RANBP3: variants seen among roughly 807,000 people sequenced by gnomAD.
RANBP3 encodes the protein ran-binding protein 3.
Under a neutral mutation model 77.3 loss-of-function variants are expected in RANBP3, and 14 were observed. The observed-to-expected ratio is 0.18, with a 90% confidence interval of 0.12 to 0.28. The LOEUF (loss-of-function observed/expected upper bound fraction) is 0.28. RANBP3 is among the 10% of genes least tolerant of loss of function. The pLI is 1.00. For synonymous variants in RANBP3, 315 were observed against 312.4 expected (o/e 1.01, Z -0.09); for missense variants, 586 against 752.3 (o/e 0.78, Z 2.59).
intron 8 of RANBP3, among the ~76,000 whole-genome samples, chr19:5,929,843 C>T (rs1374878918): frequency 6.6e-6 from 1 of 152,354 alleles, no homozygotes; most frequent in East Asian, 1.9e-4. Flanking sequence ...TGGGTGTGGC[C>T]GCATGGCTCC....
At chr19:5,933,058 C>CT (rs1202452688) in intron 6 of RANBP3, 9 of 289,132 alleles carry the variant, frequency 3.1e-5, no homozygotes, top group Middle Eastern at 1.0e-3. Flanking sequence ...CGCTGGAATG[C>CT]AGCCACCCTG....
At chr19:5,949,021 C>T (rs1568467406) in intron 3 of RANBP3, among the ~76,000 whole-genome samples, 1 of 152,110 alleles carries the variant, frequency 6.6e-6, no homozygotes, top group South Asian at 2.1e-4. Context: ...AGGGTTCTGA[C>T]GAGACTAAAA....
chr19:5,935,136 G>T (rs2058046393), intron 5 of RANBP3, among the ~76,000 whole-genome samples: 1 of 152,204 alleles, frequency 6.6e-6, no homozygotes, highest in Admixed American at 6.5e-5. Context: ...CACCTTGTCA[G>T]CCCAAATTTT....
intron 1 of RANBP3, among the ~76,000 whole-genome samples, chr19:5,960,463 G>T (rs1395544651): frequency 6.6e-6 from 1 of 152,132 alleles, no homozygotes; most frequent in East Asian, 1.9e-4. Context: ...CCATATTGAT[G>T]GGTTTATGGT....
intron 8 of RANBP3, among the ~76,000 whole-genome samples, chr19:5,930,025 C>T (rs1568452984): frequency 6.6e-6 from 1 of 152,248 alleles, no homozygotes; most frequent in African/African-American, 2.4e-5. Context: ...TGGGACACAG[C>T]AAGGCCTCTC....
At chr19:5,927,099 C>T (rs1350994398) in intron 9 of RANBP3, among the ~76,000 whole-genome samples, 1 of 152,138 alleles carries the variant, frequency 6.6e-6, no homozygotes, top group Non-Finnish European at 1.5e-5. Context: ...GCCACCGATA[C>T]CGCCTCTCGA....
chr19:5,958,531 G>A lies in RANBP3; in HGVS notation c.23-558C>T, dbSNP rs574281097. ...GGCCTGAGAGTCCATCTTGCACAGC[G>A]GCTGAAGGAAGAAACACTCTGGGGT... On this transcript the variant is annotated intron_variant, in intron 1 of 16. Transcript: ENST00000340578. This position sits in a 1 kb window ranked among gnomAD's most constrained non-coding sequence, Gnocchi z 4.4. Among the ~76,000 whole-genome samples the A allele has an allele frequency of 9.8e-5, 15 of 152,332 alleles. No homozygotes were observed. Among genetic ancestry groups the A allele is most frequent in the South Asian group, 6.2e-4 (3 of 4,832 alleles).
chr19:5,950,196 G>C (rs1035761320), intron 3 of RANBP3, among the ~76,000 whole-genome samples: 3 of 152,178 alleles, frequency 2.0e-5, no homozygotes, highest in African/African-American at 7.2e-5. Flanking sequence ...CGGCAGTCAC[G>C]TGCGCTCATG....
At chr19:5,928,203 C>T (rs1173681135) in intron 8 of RANBP3, 116 bp from the exon 9 acceptor site, 2 of 1,262,180 alleles carry the variant, frequency 1.6e-6, no homozygotes, top group African/African-American at 3.0e-5. Context: ...CTGCATGTGC[C>T]TGCACTCCCA....
In RANBP3 at chr19:5,917,276, A is replaced by G. The variant is rs1441280804; in HGVS notation, c.*334T>C. 1 of 390,244 alleles carries G rather than the reference A, an allele frequency of 2.6e-6. No individual in the cohort carries two copies. Among genetic ancestry groups the G allele is most frequent in the South Asian group, 2.9e-5 (1 of 34,912 alleles). The allele number at this position is 390,244 out of a possible 1,614,324, so 24.2% of individuals were successfully genotyped here. On this transcript the variant is annotated 3_prime_UTR_variant, in exon 17 of 17. Coordinates refer to ENST00000340578, the MANE Select transcript of RANBP3 (RefSeq NM_007322.3). Reference sequence around the variant, plus strand: ...AGCCAGGGGCTCTGGCTGGACCCAGAGGCTGGCGACACGCGGGGTGAAGGA... The same window carrying G: ...AGCCAGGGGCTCTGGCTGGACCCAGGGGCTGGCGACACGCGGGGTGAAGGA...
intron 1 of RANBP3, among the ~76,000 whole-genome samples, chr19:5,968,964 G>A (rs2058499406): frequency 6.6e-6 from 1 of 152,170 alleles, no homozygotes; most frequent in Non-Finnish European, 1.5e-5. Flanking sequence ...TGGTGGGAGA[G>A]AGTGAGTGAA....
intron 13 of RANBP3, among the ~76,000 whole-genome samples, chr19:5,922,464 C>T (rs541002746): frequency 6.2e-4 from 95 of 152,288 alleles, no homozygotes; most frequent in African/African-American, 1.9e-3. Context: ...CCGGGTGGTG[C>T]GGCCTGAGGA....
Position 5,931,438 on chromosome 19 carries a change from G to A in RANBP3, c.659C>T (p.Pro220Leu). 3.1e-6 allele frequency: 5 copies of A among 1,612,868 alleles called. No homozygotes were observed. Among genetic ancestry groups the A allele is most frequent in the Non-Finnish European group, 4.2e-6 (5 of 1,179,552 alleles). ...ASPDTAAWRSPSEAADEVCAL... is the reference protein window; with the variant it reads ...ASPDTAAWRSLSEAADEVCAL... ...ACACACCTCATCGGCAGCTTCGGAA[G>A]GACTTCTCCATGCAGCAGTGTCAGG... The change falls in exon 8 of 17, where the codon CCT (proline) becomes CTT (leucine). Residue 220 changes from proline (P) to leucine (L), a missense_variant. Physicochemically the swap from Pro to Leu is moderately conservative, Grantham distance 98. Around this residue, in one of 5 missense-constraint regions of RANBP3, gnomAD observed 232 missense variants for 271.7 expected, o/e 0.85. Transcript: ENST00000340578.
intron 3 of RANBP3, among the ~76,000 whole-genome samples, chr19:5,947,978 C>T (rs886708791): frequency 8.5e-5 from 13 of 152,162 alleles, no homozygotes; most frequent in African/African-American, 3.1e-4. Flanking sequence ...GTCCAAAAAA[C>T]ATGGGTCTTG....
rs2058360727 is a variant in RANBP3 at position 5,958,393 on chromosome 19, A to G, written c.23-420T>C. 6.6e-6 allele frequency among the ~76,000 whole-genome samples: 1 copy of G among 152,260 alleles called. No individual in the cohort carries two copies. Among genetic ancestry groups the G allele is most frequent in the African/African-American group, 2.4e-5 (1 of 41,468 alleles). On this transcript the variant is annotated intron_variant, in intron 1 of 16. Transcript: ENST00000340578. The surrounding 1 kb of genome is among the most constrained non-coding windows in gnomAD (Gnocchi z 4.4). ...AGTTTACAGGCCAGAGGGCAAAAAA[A>G]AGGGCCACCGCTCGCGCTGTTTGCA...
rs201047609 is a variant in RANBP3, at chr19:5,925,755, C to A, written c.814-18G>T. 7 of 1,606,656 alleles carry A rather than the reference C, an allele frequency of 4.4e-6. No homozygotes were observed. The highest frequency in any genetic ancestry group is 4.3e-6 in the Non-Finnish European group (5 of 1,173,656). ...TTTATCAGCTGGGAATGAGACGGAG[C>A]GCTCAGTAATCGGGGGTGGGGGGGT... On this transcript the variant is annotated intron_variant, in intron 9 of 16. Coordinates refer to ENST00000340578, the MANE Select transcript of RANBP3 (RefSeq NM_007322.3).
At chr19:5,940,998 AG>A (rs2058128437) in intron 5 of RANBP3, among the ~76,000 whole-genome samples, 1 of 152,244 alleles carries the variant, frequency 6.6e-6, no homozygotes, top group Non-Finnish European at 1.5e-5. Flanking sequence ...GCCTGTGCTC[AG>A]ACCAGGCCTC....
chr19:5,921,130 C>T lies in RANBP3; in HGVS notation c.1330+71G>A, dbSNP rs1432639896. Reference sequence around the variant, plus strand: ...GGTCAGGATCTCCCCCGCTTCATTCCCTTTGGAATTGCATAGTCCCCAGCC... The same window carrying T: ...GGTCAGGATCTCCCCCGCTTCATTCTCTTTGGAATTGCATAGTCCCCAGCC... On this transcript the variant is annotated intron_variant, in intron 14 of 16. Transcript: ENST00000340578. This position sits in a 1 kb window ranked among gnomAD's most constrained non-coding sequence, Gnocchi z 5.3. 1 of 1,533,114 alleles carries T rather than the reference C, an allele frequency of 6.5e-7. No homozygotes were observed. The highest frequency in any genetic ancestry group is 1.2e-5 in the South Asian group (1 of 84,864). The allele number at this position is 1,533,114 out of a possible 1,614,324, so 95.0% of individuals were successfully genotyped here. A position where few individuals can be genotyped will look rare whatever the true frequency, so the allele number is the denominator to read the frequency against.
At chr19:5,956,780 G>A (rs2058339753) in intron 2 of RANBP3, among the ~76,000 whole-genome samples, 1 of 152,234 alleles carries the variant, frequency 6.6e-6, no homozygotes. Context: ...ACCAGCAGCT[G>A]AGTCCCAGAT....
Sources: gnomAD v4.1 joint callset for allele counts (sites outside exome capture counted in the v4.1 genomes callset) on GRCh38, gnomAD v4.1.1 for gene constraint, gnomAD v4.1.1 regional missense constraint, Gnocchi (gnomAD v3.1) non-coding constraint, MANE v1.5 for transcripts, NCBI Gene and HGNC (gene_info 2026-07-23, HGNC 2026-07-21) for gene names.